Variants in ATG7 observed in about 807,000 individuals in gnomAD.
ATG7 encodes ubiquitin-like modifier-activating enzyme ATG7.
Under a neutral mutation model 82.4 loss-of-function variants are expected in ATG7, and 70 were observed. That is an observed-to-expected ratio of 0.85 (90% CI 0.70 to 1.04). ATG7 has a LOEUF of 1.04. ATG7 is among the 50% of genes least tolerant of loss of function. The pLI is 0.00. For synonymous variants in ATG7, 287 were observed against 313.0 expected (o/e 0.92, Z 0.88); for missense variants, 792 against 864.3 (o/e 0.92, Z 1.05).
rs1954852591 is a variant in ATG7, at chr3:11,348,138, ACTTTCTACCAGCCACT to A, written c.1284+105_1284+120del. The A allele has an allele frequency of 4.9e-6, 7 of 1,436,456 alleles. No homozygotes were observed. The South Asian group carries it at 8.5e-5, about 17-fold the overall frequency. The allele number at this position is 1,436,456 out of a possible 1,614,324, so 89.0% of individuals were successfully genotyped here. A position where few individuals can be genotyped will look rare whatever the true frequency, so the allele number is the denominator to read the frequency against. On this transcript the variant is annotated intron_variant, in intron 14 of 20. Transcript: ENST00000693202. The stretch of plus-strand genomic sequence containing the variant: ...GAAGAAAGAGAGTCAGATATCTGTC[ACTTTCTACCAGCCACT>A]CGCTATGTGGCTGAACCTCTGTTTC...
intron 20 of ATG7, among the ~76,000 whole-genome samples, chr3:11,465,451 A>G (rs2086735439): frequency 6.6e-6 from 1 of 151,366 alleles, no homozygotes; most frequent in Admixed American, 6.6e-5. Context: ...TCTCAAAAAA[A>G]AAAAAAAATG....
intron 20 of ATG7, among the ~76,000 whole-genome samples, chr3:11,527,497 C>T (rs1461050721): frequency 6.6e-6 from 1 of 152,136 alleles, no homozygotes; most frequent in African/African-American, 2.4e-5. Context: ...TAAGAATTTG[C>T]ATTCCTGGGA....
At chr3:11,532,256 A>G (rs1349445067) in intron 20 of ATG7, among the ~76,000 whole-genome samples, 1 of 152,202 alleles carries the variant, frequency 6.6e-6, no homozygotes, top group Non-Finnish European at 1.5e-5. Flanking sequence ...CAGACACAAA[A>G]CTAATGCATA....
chr3:11,503,540 C>T (rs182601654), intron 20 of ATG7, among the ~76,000 whole-genome samples: 1 of 151,986 alleles, frequency 6.6e-6, no homozygotes, highest in African/African-American at 2.4e-5. Context: ...GGGCAGATCA[C>T]GAAGTCAGGA....
At chr3:11,470,548 T>C (rs1159990058) in intron 20 of ATG7, among the ~76,000 whole-genome samples, 1 of 152,226 alleles carries the variant, frequency 6.6e-6, no homozygotes, top group African/African-American at 2.4e-5. Context: ...GCTGATAACA[T>C]GCCAGGCTAT....
intron 20 of ATG7, among the ~76,000 whole-genome samples, chr3:11,482,919 T>A (rs1368027671): frequency 6.6e-6 from 1 of 151,974 alleles, no homozygotes; most frequent in Non-Finnish European, 1.5e-5. Flanking sequence ...GATAGAACAT[T>A]TCCAGGACTT....
chr3:11,398,036 A>G (rs1280673430), intron 19 of ATG7, among the ~76,000 whole-genome samples: 6 of 151,122 alleles, frequency 4.0e-5, no homozygotes, highest in Non-Finnish European at 7.4e-5. Flanking sequence ...GTGAGTCGAG[A>G]TCACACCACT....
Position 11,517,210 on chromosome 3 carries a change from G to A in ATG7, c.2080-37601G>A, listed in dbSNP as rs150854976. On this transcript the variant is annotated intron_variant, in intron 20 of 20. Coordinates refer to ENST00000693202, the MANE Select transcript of ATG7 (RefSeq NM_001349232.2). Reference sequence around the variant, plus strand: ...GCAAAAATTAGTTGGGGATGGTAGCGCATGCCTGTAATCCCAGCTACTGGG... The same window carrying A: ...GCAAAAATTAGTTGGGGATGGTAGCACATGCCTGTAATCCCAGCTACTGGG... Among the ~76,000 whole-genome samples the A allele has an allele frequency of 1.3e-4, 19 of 149,542 alleles. No homozygotes were observed. The East Asian group carries it at 1.8e-3, about 14-fold the overall frequency.
At chr3:11,573,301 AAG>A in the ATG7 span, among the ~76,000 whole-genome samples, 9 of 9,522 alleles carry the variant, frequency 9.5e-4, 1 homozygote, top group African/African-American at 1.3e-3. Context: ...GAAAGAAAGA[AAG>A]AAAGGAAGGA....
intron 14 of ATG7, among the ~76,000 whole-genome samples, chr3:11,351,600 G>A (rs1324937507): frequency 6.6e-6 from 1 of 152,180 alleles, no homozygotes; most frequent in Non-Finnish European, 1.5e-5. Context: ...CCCTGGCATC[G>A]AGCCTCTTCC....
chr3:11,481,891 G>A (rs1281776880), intron 20 of ATG7, among the ~76,000 whole-genome samples: 1 of 152,208 alleles, frequency 6.6e-6, no homozygotes, highest in African/African-American at 2.4e-5. Context: ...CCTGGCAAGA[G>A]TTGTCAGGCC....
At chr3:11,510,568 A>C (rs563532662) in intron 20 of ATG7, among the ~76,000 whole-genome samples, 1 of 151,398 alleles carries the variant, frequency 6.6e-6, no homozygotes, top group Non-Finnish European at 1.5e-5. Context: ...TCTTTGTGCA[A>C]CTCGCCGCCC....
At chr3:11,527,433 G>T (rs1257764672) in intron 20 of ATG7, among the ~76,000 whole-genome samples, 1 of 152,026 alleles carries the variant, frequency 6.6e-6, no homozygotes. Context: ...TTGTCTTCCT[G>T]AGATAATGTC....
chr3:11,382,844 G>A (rs1448510635), intron 19 of ATG7, among the ~76,000 whole-genome samples: 1 of 152,094 alleles, frequency 6.6e-6, no homozygotes, highest in East Asian at 1.9e-4. Flanking sequence ...AATAGTACAA[G>A]GAACTCCGGT....
chr3:11,393,970 C>T (rs1216175102), intron 19 of ATG7, among the ~76,000 whole-genome samples: 1 of 152,152 alleles, frequency 6.6e-6, no homozygotes, highest in African/African-American at 2.4e-5. Context: ...CATAAGCCAC[C>T]ATGCCCGGCC....
chr3:11,306,323 TC>T (rs1259118923), intron 5 of ATG7, among the ~76,000 whole-genome samples: 1 of 152,210 alleles, frequency 6.6e-6, no homozygotes, highest in African/African-American at 2.4e-5. Flanking sequence ...GAGCTTAGTG[TC>T]CTCCAGCTGG....
chr3:11,468,252 T>C (rs2087038423), intron 20 of ATG7, among the ~76,000 whole-genome samples: 1 of 152,166 alleles, frequency 6.6e-6, no homozygotes, highest in Non-Finnish European at 1.5e-5. Context: ...TTGGTACCAA[T>C]CACCCGAGGA....
At chr3:11,305,216 C>G (rs1947524526) in intron 5 of ATG7, among the ~76,000 whole-genome samples, 1 of 152,184 alleles carries the variant, frequency 6.6e-6, no homozygotes, top group South Asian at 2.1e-4. Flanking sequence ...CTGCCACCTC[C>G]CATGGTGGAA....
chr3:11,516,057 T>C (rs1395141692), intron 20 of ATG7, among the ~76,000 whole-genome samples: 2 of 149,442 alleles, frequency 1.3e-5, no homozygotes, highest in Admixed American at 6.7e-5. Flanking sequence ...CAAAAAAACA[T>C]AGGACATAGT....
Sources: allele counts gnomAD v4.1 joint callset (sites outside exome capture counted in the v4.1 genomes callset), GRCh38; gene constraint gnomAD v4.1.1; transcripts MANE v1.5; gene names NCBI Gene and HGNC (gene_info 2026-07-23, HGNC 2026-07-21).